Variants in TWF1 observed in about 807,000 individuals in gnomAD.
TWF1 encodes twinfilin-1.
A neutral mutation model predicts 47.9 loss-of-function variants in TWF1; 14 were observed. The ratio of observed to expected loss-of-function variants is 0.29; its 90% CI spans 0.19 to 0.46. The LOEUF is 0.46. Ranked by LOEUF, TWF1 falls within the 20% of genes least tolerant of loss-of-function variation. The probability of loss-of-function intolerance (pLI) is 1.00; values close to 1 mark genes in which losing one functional copy is unlikely to be tolerated. For synonymous variants in TWF1, 96 were observed against 139.2 expected (o/e 0.69, Z 2.18); for missense variants, 281 against 409.3 (o/e 0.69, Z 2.70).
At chr12:43,804,198 G>C (rs1196430682) in intron 2 of TWF1, 3 of 452,398 alleles carry the variant, frequency 6.6e-6, no homozygotes, top group African/African-American at 2.0e-5. Flanking sequence ...TTCCATTCCA[G>C]AGATGGAAGC....
chr12:43,800,393 A>T, intron 4 of TWF1, 42 bp downstream of exon 4: 2 of 1,482,654 alleles, frequency 1.3e-6, no homozygotes, highest in African/African-American at 2.8e-5. Flanking sequence ...CTCTTTAATC[A>T]TTTTAATTGC....
intron 1 of TWF1, chr12:43,805,971 ATTTCCTTCG>A (rs1942757491): frequency 6.5e-7 from 1 of 1,544,994 alleles, no homozygotes; most frequent in African/African-American, 1.4e-5. Flanking sequence ...TCGAAAGCCA[ATTTCCTTCG>A]CTCCCCCGAA....
chr12:43,800,327 C>T, intron 4 of TWF1, 108 bp downstream of exon 4: 1 of 736,948 alleles, frequency 1.4e-6, no homozygotes, highest in Non-Finnish European at 2.2e-6. Flanking sequence ...CTCTTATTCT[C>T]ATGTTTTCAG....
rs1431399858 is a variant in TWF1 at position 43,800,440 on chromosome 12, C to T, written c.373G>A (p.Val125Ile). ...TCCACATACAAACATAATACCTTTA[C>T]TGTTCCAAATACTTCATCTTTAATG... ...GHIKDEVFGT[V>I]KEDVSLHGYK... Residue 125 changes from valine to isoleucine, a missense_variant, in exon 4 of 9, where the codon GTA (valine) becomes ATA (isoleucine). Val to Ile is a conservative substitution (Grantham distance 29). Coordinates refer to ENST00000395510, the MANE Select transcript of TWF1 (RefSeq NM_002822.5). 1.2e-6 allele frequency: 2 copies of T among 1,610,734 alleles called. No individual in the cohort carries two copies. Among genetic ancestry groups the T allele is most frequent in the East Asian group, 2.2e-5 (1 of 44,794 alleles).
At chr12:43,796,952 A>C (rs1356171315) in intron 8 of TWF1, 24 bp downstream of exon 8, 3 of 1,603,356 alleles carry the variant, frequency 1.9e-6, no homozygotes, top group Admixed American at 1.7e-5. Flanking sequence ...GCAAAAACTG[A>C]AGATTTTAAA....
chr12:43,794,121 G>T lies in TWF1; in HGVS notation c.*1464C>A, dbSNP rs1942509324. 6.6e-6 allele frequency: 1 copy of T among 152,522 alleles called. No homozygotes were observed. The highest frequency in any genetic ancestry group is 1.5e-5 in the Non-Finnish European group (1 of 67,990). 9.4% of individuals were successfully genotyped at this position (152,522 alleles called of 1,614,324 possible). ...CAGCTTCAGCTATGGTCTGCTCCAG[G>T]ATTCTTAATGCAATAATTTGGGTGT... On this transcript the variant is annotated 3_prime_UTR_variant, in exon 9 of 9. Transcript: ENST00000395510.
At position 43,798,454 on chromosome 12, in the gene TWF1, T is replaced by A; in HGVS notation, c.484-621A>T. On this transcript the variant is annotated intron_variant, in intron 5 of 8. Coordinates refer to ENST00000395510, the MANE Select transcript of TWF1 (RefSeq NM_002822.5). Reference sequence around the variant, plus strand: ...CTAGTAGAGAGTCTCATTCGCAGTGTTGCAACAGAAAGTCCAATAGAAATT... The same window carrying A: ...CTAGTAGAGAGTCTCATTCGCAGTGATGCAACAGAAAGTCCAATAGAAATT... 3 of 1,045,990 alleles carry A rather than the reference T, an allele frequency of 2.9e-6. No individual in the cohort carries two copies. The South Asian group carries it at 5.1e-5, about 18-fold the overall frequency. The allele number at this position is 1,045,990 out of a possible 1,614,324, so 64.8% of individuals were successfully genotyped here.
At chr12:43,800,578 T>C (rs768107739) in intron 3 of TWF1, 48 bp from the exon 4 acceptor site, 1 of 1,435,910 alleles carries the variant, frequency 7.0e-7, no homozygotes, top group South Asian at 1.2e-5. Context: ...AAACATAACA[T>C]TACAAAAGCA....
rs752785498 is a variant in TWF1, at chr12:43,795,619, C to T, written c.1019G>A (p.Arg340Lys). 16 of 1,612,312 alleles carry T rather than the reference C, an allele frequency of 9.9e-6. No individual in the cohort carries two copies. The South Asian group carries it at 1.8e-4, about 18-fold the overall frequency. The change falls in exon 9 of 9, where the codon AGG becomes AAG. Residue 340 changes from arginine to lysine, a missense_variant. Arg to Lys is a conservative substitution (Grantham distance 26, BLOSUM62 2). Transcript: ENST00000395510. ...AGKRGIRRLI[R>K]GPAETEATTD ...AGTAGCTTCAGTTTCCGCTGGGCCC[C>T]TAATTAGTCTTCGAATTCCTCTTTT...
intron 7 of TWF1, 23 bp from the exon 8 acceptor site, chr12:43,797,120 A>G (rs767653842): frequency 6.4e-7 from 1 of 1,566,990 alleles, no homozygotes; most frequent in South Asian, 1.2e-5. Context: ...ATAATAACAA[A>G]TATAATTAGC....
At chr12:43,804,895 CTCT>C (rs760502909) in intron 1 of TWF1, among the ~76,000 whole-genome samples, 1 of 152,192 alleles carries the variant, frequency 6.6e-6, no homozygotes, top group Non-Finnish European at 1.5e-5. Context: ...ACTTTTCTTG[CTCT>C]TTTGAAAAAT....
chr12:43,799,605 G>T, intron 4 of TWF1, 103 bp from the exon 5 acceptor site: 1 of 557,806 alleles, frequency 1.8e-6, no homozygotes. Flanking sequence ...GATTTTAAAT[G>T]AAAATAAATA....
chr12:43,797,586 A>G, intron 6 of TWF1, 122 bp downstream of exon 6: 1 of 1,428,238 alleles, frequency 7.0e-7, no homozygotes, highest in Non-Finnish European at 9.4e-7. Flanking sequence ...ATGAACATTT[A>G]CAAAATGAAT....
intron 3 of TWF1, 55 bp downstream of exon 3, chr12:43,802,231 T>C: frequency 1.6e-6 from 2 of 1,255,004 alleles, no homozygotes; most frequent in Non-Finnish European, 1.1e-6. Context: ...CCTAGAAATT[T>C]CAAAAACATT....
chr12:43,798,649 C>T (rs1415204539), intron 5 of TWF1: 2 of 1,433,694 alleles, frequency 1.4e-6, no homozygotes, highest in Admixed American at 2.6e-5. Flanking sequence ...ACATAAAAAG[C>T]CCTACTCAAA....
intron 1 of TWF1, among the ~76,000 whole-genome samples, chr12:43,805,308 CAA>C (rs1364668422): frequency 3.3e-5 from 5 of 151,638 alleles, no homozygotes; most frequent in African/African-American, 1.2e-4. Context: ...ATAAATAAAA[CAA>C]AGTTTTCAGA....
At chr12:43,806,164 G>C (rs956952740) in intron 1 of TWF1, 57 bp downstream of exon 1, 29 of 1,535,234 alleles carry the variant, frequency 1.9e-5, no homozygotes, top group Non-Finnish European at 2.3e-5. Flanking sequence ...CAGCCCTCCC[G>C]GCTCTCCCGG....
Position 43,794,752 on chromosome 12 carries a change from C to T in TWF1, c.*833G>A, listed in dbSNP as rs1328078613. ...GTAATTTTAAATCTGAGTATTTGCT[C>T]GGAAGTGATAAAGAACACAATTTGC... On this transcript the variant is annotated 3_prime_UTR_variant, in exon 9 of 9. Coordinates refer to ENST00000395510, the MANE Select transcript of TWF1 (RefSeq NM_002822.5). 6.6e-6 allele frequency: 1 copy of T among 152,302 alleles called. No individual in the cohort carries two copies. The highest frequency in any genetic ancestry group is 1.5e-5 in the Non-Finnish European group (1 of 68,016). The allele number at this position is 152,302 out of a possible 1,614,324, so 9.4% of individuals were successfully genotyped here. A position where few individuals can be genotyped will look rare whatever the true frequency, so the allele number is the denominator to read the frequency against.
At chr12:43,806,104 C>A (rs1942763528) in intron 1 of TWF1, 117 bp downstream of exon 1, 3 of 1,522,332 alleles carry the variant, frequency 2.0e-6, no homozygotes, top group Non-Finnish European at 2.6e-6. Flanking sequence ...GCTCGCCCCG[C>A]GAGACCGACT....
Sources: allele counts gnomAD v4.1 joint callset (sites outside exome capture counted in the v4.1 genomes callset), GRCh38; gene constraint gnomAD v4.1.1; transcripts MANE v1.5; gene names NCBI Gene and HGNC (gene_info 2026-07-23, HGNC 2026-07-21).